SLC26A8: variants seen among roughly 807,000 people sequenced by gnomAD.
SLC26A8 encodes testis anion transporter 1.
Under a neutral mutation model 105.0 loss-of-function variants are expected in SLC26A8, and 70 were observed. That is an observed-to-expected ratio of 0.67 (90% CI 0.55 to 0.81). The LOEUF (loss-of-function observed/expected upper bound fraction) is 0.81, where lower values mean the gene tolerates loss of function less well. Among genes scored for constraint, SLC26A8 ranks in the 40% least tolerant of loss-of-function variants. SLC26A8 has a pLI of 0.00. For missense variants in SLC26A8, 998 were observed against 1,181.8 expected (o/e 0.84, Z 2.28); for synonymous variants, 415 against 438.3 (o/e 0.95, Z 0.66).
Position 35,955,380 on chromosome 6 carries a change from C to T in SLC26A8, c.2004G>A (p.Val668=), listed in dbSNP as rs747444513. ...ACTGTTGCCCTTGATTTTTCTGAGA[C>T]ACGGACGATACTGTGTATGGCACTT... ...EDQVPYTVSS[V]SQKNQGQQYE... is the part of the protein sequence containing the mutation. Residue 668 remains valine (V), a synonymous_variant, in exon 17 of 20, where the codon GTG becomes GTA. Coordinates refer to ENST00000490799, the MANE Select transcript of SLC26A8 (RefSeq NM_052961.4). The T allele has an allele frequency of 1.4e-5, 23 of 1,614,098 alleles. No individual in the cohort carries two copies. The highest frequency in any genetic ancestry group is 3.3e-5 in the Admixed American group (2 of 60,008).
intron 2 of SLC26A8, among the ~76,000 whole-genome samples, chr6:36,017,666 A>C (rs1762031943): frequency 1.3e-5 from 2 of 151,918 alleles, no homozygotes; most frequent in Non-Finnish European, 2.9e-5. Context: ...AAAACACCAA[A>C]AAACTTTTCT....
chr6:35,988,587 A>G (rs1036053627), intron 7 of SLC26A8, among the ~76,000 whole-genome samples: 4 of 152,052 alleles, frequency 2.6e-5, no homozygotes, highest in Non-Finnish European at 5.9e-5. Flanking sequence ...GTGGGCCGAG[A>G]TCATGCCACT....
chr6:35,976,547 T>C (rs1581653161), intron 9 of SLC26A8, among the ~76,000 whole-genome samples: 1 of 147,840 alleles, frequency 6.8e-6, no homozygotes, highest in Admixed American at 6.8e-5. Context: ...TTAGAAGCCC[T>C]CGCTTTTTTT....
At chr6:35,990,432 C>A (rs1358099741) in intron 7 of SLC26A8, 1 of 158,694 alleles carries the variant, frequency 6.3e-6, no homozygotes, top group Non-Finnish European at 1.4e-5. Flanking sequence ...AAGGGCCGTT[C>A]ATTTCCTCCT....
chr6:35,977,442 CTT>C (rs77593688), intron 8 of SLC26A8, 91 bp from the exon 9 acceptor site: 14,725 of 870,386 alleles, frequency 0.017, no homozygotes, highest in South Asian at 0.022. Flanking sequence ...TGTCCTGATT[CTT>C]TTTTTTTTTT....
intron 12 of SLC26A8, 120 bp from the exon 13 acceptor site, chr6:35,961,219 A>T: frequency 1.3e-6 from 1 of 757,332 alleles, no homozygotes; most frequent in African/African-American, 1.8e-5. Context: ...GCTTTAGGGA[A>T]ATATTCCATA....
chr6:35,995,873 C>A (rs1761337607), intron 5 of SLC26A8, among the ~76,000 whole-genome samples: 1 of 151,912 alleles, frequency 6.6e-6, no homozygotes, highest in African/African-American at 2.4e-5. Flanking sequence ...TGCATGAGGC[C>A]CCTTGATAAT....
At chr6:36,008,327 T>C (rs1323403225) in intron 3 of SLC26A8, among the ~76,000 whole-genome samples, 1 of 150,144 alleles carries the variant, frequency 6.7e-6, no homozygotes, top group Non-Finnish European at 1.5e-5. Context: ...AAACAAAAGC[T>C]CAAAAATTAA....
intron 1 of SLC26A8, 120 bp from the exon 2 acceptor site, chr6:36,019,829 G>C: frequency 1.1e-6 from 1 of 932,012 alleles, no homozygotes; most frequent in Non-Finnish European, 1.5e-6. Context: ...GCATCTTTCA[G>C]TTGTAAAAAA....
intron 7 of SLC26A8, among the ~76,000 whole-genome samples, chr6:35,983,570 A>G (rs1289618863): frequency 5.5e-5 from 8 of 144,602 alleles, no homozygotes; most frequent in African/African-American, 2.1e-4. Context: ...TTTTTTTTTG[A>G]AATGAAGTTT....
chr6:35,980,989 C>T (rs1383079968), intron 8 of SLC26A8, among the ~76,000 whole-genome samples: 1 of 151,490 alleles, frequency 6.6e-6, no homozygotes, highest in Non-Finnish European at 1.5e-5. Context: ...CCAGCCTGGG[C>T]GACAGAGCAA....
Position 35,991,384 on chromosome 6 carries a change from G to A in SLC26A8, c.942+275C>T, listed in dbSNP as rs6457870. 0.57 allele frequency among the ~76,000 whole-genome samples: 82,737 copies of A among 146,312 alleles called. 23,574 individuals are homozygous for A. Among genetic ancestry groups the A allele is most frequent in the South Asian group, 0.71 (3,302 of 4,642 alleles). ...GCACCACTGCACTCCATCCTGGGCAGCAGAGCAAGACTCTGTCAAAAAAAA... is the reference window on the plus strand; with the variant it reads ...GCACCACTGCACTCCATCCTGGGCAACAGAGCAAGACTCTGTCAAAAAAAA... On this transcript the variant is annotated intron_variant, in intron 7 of 19. Transcript: ENST00000490799.
At position 35,977,210 on chromosome 6, in the gene SLC26A8, G is replaced by A; in HGVS notation, c.1167C>T (p.Ser389=). The change falls in exon 9 of 20, where the codon TCC becomes TCT. Residue 389 remains serine, a synonymous_variant. Coordinates refer to ENST00000490799, the MANE Select transcript of SLC26A8 (RefSeq NM_052961.4). ...IASLHNYSVN[S]NQDLIAIGLC... ...GAAGTAGTAGTCCTCTCACCTGGTT[G>A]GAATTGACACTGTAATTGTGAAGAC... The A allele has an allele frequency of 1.2e-6, 2 of 1,613,450 alleles. No homozygotes were observed. The highest frequency in any genetic ancestry group is 2.2e-5 in the South Asian group (2 of 90,956).
chr6:35,979,100 C>T (rs1029635503), intron 8 of SLC26A8, among the ~76,000 whole-genome samples: 6 of 150,390 alleles, frequency 4.0e-5, no homozygotes, highest in Non-Finnish European at 7.4e-5. Context: ...GATTCGCCTG[C>T]CTCAGCCTCC....
chr6:35,968,531 T>C (rs192734872), intron 11 of SLC26A8, among the ~76,000 whole-genome samples: 1 of 136,996 alleles, frequency 7.3e-6, no homozygotes, highest in East Asian at 2.0e-4. Context: ...CCCAATACTA[T>C]TACATCTATC....
At chr6:35,985,586 G>T (rs1016936892) in intron 7 of SLC26A8, among the ~76,000 whole-genome samples, 1 of 151,414 alleles carries the variant, frequency 6.6e-6, no homozygotes, top group Non-Finnish European at 1.5e-5. Context: ...CCAGCTACTC[G>T]GGAGGCTGAG....
chr6:35,977,502 C>G, intron 8 of SLC26A8, 151 bp from the exon 9 acceptor site: 1 of 766,902 alleles, frequency 1.3e-6, no homozygotes, highest in Non-Finnish European at 1.9e-6. Flanking sequence ...AGCAGCCTGC[C>G]AAAACTGCCA....
intron 11 of SLC26A8, among the ~76,000 whole-genome samples, chr6:35,968,607 G>GAA (rs1772628760): frequency 4.3e-5 from 2 of 47,040 alleles, no homozygotes; most frequent in African/African-American, 2.7e-4. Context: ...GTGTGTGTGT[G>GAA]TGTATATATA....
Position 35,962,401 on chromosome 6 carries a change from G to C in SLC26A8, c.1461+125C>G, listed in dbSNP as rs1313185888. ...CTCTCCTTTTTAAAGCAAAACTGGA[G>C]TACTAGGCATCAAAGAGTTGTTTGT... On this transcript the variant is annotated intron_variant, in intron 12 of 19. Transcript: ENST00000490799. 7 of 756,756 alleles carry C rather than the reference G, an allele frequency of 9.3e-6. No individual in the cohort carries two copies. The Admixed American group carries it at 1.4e-4, about 15-fold the overall frequency. The allele number at this position is 756,756 out of a possible 1,614,324, so 46.9% of individuals were successfully genotyped here. A position where few individuals can be genotyped will look rare whatever the true frequency, so the allele number is the denominator to read the frequency against.
Sources: allele counts gnomAD v4.1 joint callset (sites outside exome capture counted in the v4.1 genomes callset), GRCh38; gene constraint gnomAD v4.1.1; transcripts MANE v1.5; gene names NCBI Gene and HGNC (gene_info 2026-07-23, HGNC 2026-07-21).